Variants in PIK3C2G observed in about 807,000 individuals in gnomAD.
The protein encoded by PIK3C2G is phosphatidylinositol 3-kinase C2 domain-containing subunit gamma.
A neutral mutation model predicts 181.1 loss-of-function variants in PIK3C2G; 168 were observed. The observed-to-expected ratio is 0.93, with a 90% confidence interval of 0.82 to 1.05. The LOEUF is 1.05. Ranked by LOEUF, PIK3C2G falls within the 50% of genes least tolerant of loss-of-function variation. The pLI is 0.00. For missense variants in PIK3C2G, 1,869 were observed against 1,732.8 expected (o/e 1.08, Z -1.40); for synonymous variants, 573 against 592.2 (o/e 0.97, Z 0.47).
At chr12:18,599,844 T>C (rs1947611449) in intron 30 of PIK3C2G, among the ~76,000 whole-genome samples, 1 of 151,886 alleles carries the variant, frequency 6.6e-6, no homozygotes, top group East Asian at 1.9e-4. Context: ...CTAAAAAGCA[T>C]TGAATTAAAT....
intron 20 of PIK3C2G, chr12:18,493,683 C>G (rs1418780483): frequency 6.6e-6 from 1 of 152,224 alleles, no homozygotes; most frequent in Non-Finnish European, 1.5e-5. Context: ...TGGAAAGGAG[C>G]CCTGTGAATG....
chr12:18,636,601 G>A (rs1443661557), intron 31 of PIK3C2G, among the ~76,000 whole-genome samples: 2 of 152,156 alleles, frequency 1.3e-5, no homozygotes, highest in Non-Finnish European at 2.9e-5. Flanking sequence ...GGTATCAGGA[G>A]ATGTGTTAAT....
intron 30 of PIK3C2G, among the ~76,000 whole-genome samples, chr12:18,604,664 A>G (rs1380803036): frequency 1.3e-5 from 2 of 152,180 alleles, no homozygotes; most frequent in Non-Finnish European, 2.9e-5. Context: ...AGCCTCAATA[A>G]AGTTAAGAAA....
intron 31 of PIK3C2G, among the ~76,000 whole-genome samples, chr12:18,624,977 A>G (rs528851181): frequency 6.6e-6 from 1 of 151,764 alleles, no homozygotes; most frequent in African/African-American, 2.4e-5. Flanking sequence ...TCTTTTTAAA[A>G]GCCAAACTCT....
At chr12:18,455,249 G>A (rs1947561447) in intron 18 of PIK3C2G, among the ~76,000 whole-genome samples, 1 of 151,988 alleles carries the variant, frequency 6.6e-6, no homozygotes, top group Non-Finnish European at 1.5e-5. Flanking sequence ...CTACACTTAG[G>A]CAAGAGTTTT....
chr12:18,531,693 A>G (rs1283705345), intron 24 of PIK3C2G, among the ~76,000 whole-genome samples: 1 of 152,218 alleles, frequency 6.6e-6, no homozygotes, highest in Admixed American at 6.5e-5. Flanking sequence ...GATTAATTCA[A>G]GCTGTTGTGT....
intron 1 of PIK3C2G, among the ~76,000 whole-genome samples, chr12:18,264,220 A>C (rs1948377504): frequency 6.6e-6 from 1 of 152,180 alleles, no homozygotes; most frequent in Non-Finnish European, 1.5e-5. Context: ...TGGATTGCTC[A>C]ACCCCAACTT....
the PIK3C2G span, among the ~76,000 whole-genome samples, chr12:18,686,960 T>C: frequency 2.0e-5 from 3 of 151,970 alleles, no homozygotes; most frequent in Non-Finnish European, 4.4e-5. Context: ...ATTGAATAAA[T>C]TAAGTTTCTA....
chr12:18,353,956 CATT>C (rs1375885088), intron 11 of PIK3C2G, among the ~76,000 whole-genome samples: 2 of 152,154 alleles, frequency 1.3e-5, no homozygotes, highest in Non-Finnish European at 2.9e-5. Context: ...CCCATCTCAT[CATT>C]GAGATCCATT....
At chr12:18,603,390 C>T (rs984209689) in intron 30 of PIK3C2G, among the ~76,000 whole-genome samples, 1 of 152,108 alleles carries the variant, frequency 6.6e-6, no homozygotes, top group South Asian at 2.1e-4. Flanking sequence ...ATGACCAAAC[C>T]TAAGAATAAT....
the PIK3C2G span, among the ~76,000 whole-genome samples, chr12:18,694,680 T>A: frequency 6.6e-6 from 1 of 152,146 alleles, no homozygotes; most frequent in African/African-American, 2.4e-5. Context: ...GAGAAGGTTT[T>A]AGCCTCAATA....
chr12:18,529,455 A>G (rs1391753900), intron 24 of PIK3C2G, among the ~76,000 whole-genome samples: 1 of 152,180 alleles, frequency 6.6e-6, no homozygotes, highest in Non-Finnish European at 1.5e-5. Context: ...TCCTATTGAG[A>G]TTAGTATGTC....
chr12:18,283,520 C>T (rs1949312614), intron 2 of PIK3C2G, among the ~76,000 whole-genome samples: 1 of 152,096 alleles, frequency 6.6e-6, no homozygotes, highest in Non-Finnish European at 1.5e-5. Flanking sequence ...ATCCTTAAAA[C>T]ATATTGTGAT....
intron 19 of PIK3C2G, among the ~76,000 whole-genome samples, chr12:18,490,311 AG>A (rs1261430410): frequency 2.0e-5 from 3 of 152,180 alleles, no homozygotes; most frequent in African/African-American, 7.2e-5. Context: ...CAGGAGTAAA[AG>A]GTAAGAAACT....
chr12:18,486,105 G>T (rs780362518), intron 18 of PIK3C2G, among the ~76,000 whole-genome samples: 1 of 152,070 alleles, frequency 6.6e-6, no homozygotes, highest in Non-Finnish European at 1.5e-5. Flanking sequence ...TTGACCTCTC[G>T]TGTTCATCTC....
chr12:18,593,103 T>C (rs1174439946), intron 29 of PIK3C2G, among the ~76,000 whole-genome samples: 1 of 151,956 alleles, frequency 6.6e-6, no homozygotes, highest in Middle Eastern at 3.2e-3. Context: ...CTTCCTTCTA[T>C]GAGTGTGTCC....
intron 18 of PIK3C2G, among the ~76,000 whole-genome samples, chr12:18,465,517 T>C (rs967865232): frequency 6.6e-6 from 1 of 151,876 alleles, no homozygotes; most frequent in Non-Finnish European, 1.5e-5. Context: ...CCCTTTTTAT[T>C]TTCTAAAACA....
At chr12:18,314,304 G>C (rs1461291832) in intron 6 of PIK3C2G, among the ~76,000 whole-genome samples, 1 of 152,062 alleles carries the variant, frequency 6.6e-6, no homozygotes. Flanking sequence ...CTGAATGTCT[G>C]TGTCCCCCCA....
the PIK3C2G span, among the ~76,000 whole-genome samples, chr12:18,676,068 G>A: frequency 6.6e-6 from 1 of 152,142 alleles, no homozygotes; most frequent in South Asian, 2.1e-4. Flanking sequence ...CGAGTCAATA[G>A]ACCTGTGTCT....
Sources: allele counts gnomAD v4.1 joint callset (sites outside exome capture counted in the v4.1 genomes callset), GRCh38; gene constraint gnomAD v4.1.1; transcripts MANE v1.5; gene names NCBI Gene and HGNC (gene_info 2026-07-23, HGNC 2026-07-21).